The following RALYL variants were observed in gnomAD, a reference collection of about 807,000 sequenced individuals.
The protein encoded by RALYL is RNA-binding Raly-like protein.
A neutral mutation model predicts 35.1 loss-of-function variants in RALYL; 29 were observed. The observed-to-expected ratio is 0.83, with a 90% confidence interval of 0.61 to 1.13. RALYL has a LOEUF of 1.13. Ranked by LOEUF, RALYL falls within the 50% of genes most tolerant of loss-of-function variation. The pLI is 0.00. For synonymous variants in RALYL, 120 were observed against 127.6 expected, an observed-to-expected ratio of 0.94 and a Z score of 0.40; for missense variants, 359 against 360.4, an observed-to-expected ratio of 1.00 and a Z score of 0.03.
At chr8:84,684,933 C>A (rs1836435387) in intron 2 of RALYL, among the ~76,000 whole-genome samples, 1 of 152,146 alleles carries the variant, frequency 6.6e-6, no homozygotes, top group African/African-American at 2.4e-5. Context: ...GCTGGCAAAG[C>A]AAGTTTTACC....
intron 1 of RALYL, among the ~76,000 whole-genome samples, chr8:84,454,220 G>C (rs969260870): frequency 2.6e-5 from 4 of 152,016 alleles, no homozygotes; most frequent in African/African-American, 4.8e-5. Flanking sequence ...CTAGAGCAGA[G>C]TCAGAGTCAT....
chr8:84,504,583 G>A (rs952813385), intron 1 of RALYL, among the ~76,000 whole-genome samples: 2 of 152,076 alleles, frequency 1.3e-5, no homozygotes, highest in African/African-American at 4.8e-5. Context: ...TGGTTACATA[G>A]GGAATGGCTA....
At chr8:84,286,893 A>T (rs1368307208) in intron 1 of RALYL, among the ~76,000 whole-genome samples, 2 of 152,136 alleles carry the variant, frequency 1.3e-5, no homozygotes, top group South Asian at 2.1e-4. Flanking sequence ...GATCCTCCTT[A>T]TCTGAGGTCT....
intron 2 of RALYL, among the ~76,000 whole-genome samples, chr8:84,742,071 T>G (rs1807494292): frequency 6.6e-6 from 1 of 151,958 alleles, no homozygotes; most frequent in Non-Finnish European, 1.5e-5. Flanking sequence ...AAATGATACA[T>G]TTTTAAGGAG....
chr8:84,570,260 T>C (rs1234003234), intron 2 of RALYL, among the ~76,000 whole-genome samples: 1 of 151,914 alleles, frequency 6.6e-6, no homozygotes, highest in African/African-American at 2.4e-5. Context: ...ATGATTTCTT[T>C]CATCAGTATT....
At chr8:84,732,497 A>G (rs993871873) in intron 2 of RALYL, among the ~76,000 whole-genome samples, 2 of 151,944 alleles carry the variant, frequency 1.3e-5, no homozygotes, top group African/African-American at 4.8e-5. Flanking sequence ...TTCAACTACA[A>G]AAACTTCAGG....
chr8:84,346,392 T>C (rs1266499840), intron 1 of RALYL, among the ~76,000 whole-genome samples: 3 of 152,164 alleles, frequency 2.0e-5, no homozygotes, highest in Non-Finnish European at 4.4e-5. Context: ...GTATTCATGG[T>C]AGAGATTAAA....
intron 2 of RALYL, among the ~76,000 whole-genome samples, chr8:84,694,118 G>C (rs1013005515): frequency 4.0e-5 from 6 of 151,828 alleles, no homozygotes; most frequent in Non-Finnish European, 8.8e-5. Context: ...AAAGCAATTG[G>C]GTAAGACAAA....
At chr8:84,399,589 A>G (rs1326476228) in intron 1 of RALYL, among the ~76,000 whole-genome samples, 2 of 152,218 alleles carry the variant, frequency 1.3e-5, no homozygotes, top group Non-Finnish European at 2.9e-5. Context: ...CTCACCACAA[A>G]GCCACACTGC....
At chr8:84,683,539 A>G (rs971313711) in intron 2 of RALYL, among the ~76,000 whole-genome samples, 1 of 152,214 alleles carries the variant, frequency 6.6e-6, no homozygotes, top group Non-Finnish European at 1.5e-5. Flanking sequence ...TATTGGGTGC[A>G]TATAAGATTC....
At chr8:84,567,278 C>T (rs1484773055) in intron 2 of RALYL, among the ~76,000 whole-genome samples, 1 of 151,682 alleles carries the variant, frequency 6.6e-6, no homozygotes, top group Non-Finnish European at 1.5e-5. Flanking sequence ...GGGTATATTG[C>T]ATAATGATGG....
chr8:84,444,938 T>C (rs2048706319), intron 1 of RALYL, among the ~76,000 whole-genome samples: 1 of 152,064 alleles, frequency 6.6e-6, no homozygotes, highest in South Asian at 2.1e-4. Flanking sequence ...AAACCAGTGA[T>C]GAAAATCAAT....
chr8:84,864,662 G>T, intron 6 of RALYL: 1 of 379,700 alleles, frequency 2.6e-6, no homozygotes, highest in Non-Finnish European at 5.0e-6. Flanking sequence ...TAGCTCCAAG[G>T]GATTACTGCA....
chr8:84,466,178 T>C (rs1471253619), intron 1 of RALYL, among the ~76,000 whole-genome samples: 1 of 136,310 alleles, frequency 7.3e-6, no homozygotes, highest in African/African-American at 2.9e-5. Context: ...TCCAACAGTA[T>C]GTTGAATAGG....
chr8:84,778,462 T>A (rs1469598866), intron 3 of RALYL, among the ~76,000 whole-genome samples: 1 of 152,198 alleles, frequency 6.6e-6, no homozygotes, highest in Admixed American at 6.5e-5. Flanking sequence ...ATAAGTTAGA[T>A]GCACAGATGA....
chr8:84,846,025 T>C (rs984665193), intron 4 of RALYL, among the ~76,000 whole-genome samples: 3 of 152,192 alleles, frequency 2.0e-5, no homozygotes, highest in Admixed American at 1.3e-4. Flanking sequence ...GACCATGCTT[T>C]TTGGTTACCG....
chr8:84,681,543 C>T (rs892429137), intron 2 of RALYL, among the ~76,000 whole-genome samples: 8 of 152,146 alleles, frequency 5.3e-5, no homozygotes, highest in South Asian at 2.1e-4. Flanking sequence ...TAGTTCTCCT[C>T]GAAGAGGTCC....
At chr8:84,595,243 A>C (rs1253856253) in intron 2 of RALYL, among the ~76,000 whole-genome samples, 2 of 152,144 alleles carry the variant, frequency 1.3e-5, no homozygotes, top group Non-Finnish European at 2.9e-5. Flanking sequence ...CCATCTATAT[A>C]AAGAATTGAA....
At chr8:84,214,743 T>C (rs549557423) in intron 1 of RALYL, among the ~76,000 whole-genome samples, 30 of 152,266 alleles carry the variant, frequency 2.0e-4, no homozygotes, top group Admixed American at 6.5e-4. Context: ...CTGTTACAGA[T>C]TTGTTGGGAG....
Sources: gnomAD v4.1 joint callset for allele counts (sites outside exome capture counted in the v4.1 genomes callset) on GRCh38, gnomAD v4.1.1 for gene constraint, MANE v1.5 for transcripts, NCBI Gene and HGNC (gene_info 2026-07-23, HGNC 2026-07-21) for gene names.